PPP1R1C: variants seen among roughly 807,000 people sequenced by gnomAD.
PPP1R1C encodes the protein protein phosphatase 1 regulatory subunit 1C.
PPP1R1C carries 15 observed loss-of-function variants against 17.4 expected under a neutral mutation model. The ratio of observed to expected loss-of-function variants is 0.86; its 90% CI spans 0.58 to 1.33. PPP1R1C has a LOEUF of 1.33. Among genes scored for constraint, PPP1R1C ranks in the 40% most tolerant of loss-of-function variants. The probability of loss-of-function intolerance (pLI) is 0.00; values close to 1 mark genes in which losing one functional copy is unlikely to be tolerated. For missense variants in PPP1R1C, 143 were observed against 130.0 expected, an observed-to-expected ratio of 1.10 and a Z score of -0.48; for synonymous variants, 35 against 43.1, an observed-to-expected ratio of 0.81 and a Z score of 0.73.
chr2:182,126,084 C>T (rs371449717), intron 5 of PPP1R1C, among the ~76,000 whole-genome samples: 3 of 151,924 alleles, frequency 2.0e-5, no homozygotes, highest in African/African-American at 7.2e-5. Flanking sequence ...TCATAGCAAA[C>T]AACTTAAGTG....
rs530568979 is a variant in PPP1R1C at position 182,105,937 on chromosome 2, C to G, written c.242-11270C>G. Reference sequence around the variant, plus strand: ...TGTATTGTCTCACAGTTTTGGAGACCAGAACCCTGAGACAACGGTGTCCTC... The same window carrying G: ...TGTATTGTCTCACAGTTTTGGAGACGAGAACCCTGAGACAACGGTGTCCTC... On this transcript the variant is annotated intron_variant, in intron 4 of 4. Coordinates refer to ENST00000682840, the MANE Select transcript of PPP1R1C (RefSeq NM_001080545.3). Among the ~76,000 whole-genome samples the G allele has an allele frequency of 6.6e-5, 10 of 152,272 alleles. No individual in the cohort carries two copies. In the East Asian group the frequency reaches 1.9e-3, roughly 29 times the overall value.
At chr2:182,075,569 A>G (rs1354706651) in intron 4 of PPP1R1C, among the ~76,000 whole-genome samples, 2 of 152,240 alleles carry the variant, frequency 1.3e-5, no homozygotes, top group Non-Finnish European at 2.9e-5. Flanking sequence ...GCAGAGGCAG[A>G]AACACATAAA....
intron 4 of PPP1R1C, among the ~76,000 whole-genome samples, chr2:182,068,255 A>C (rs1018238686): frequency 6.6e-6 from 1 of 152,176 alleles, no homozygotes; most frequent in African/African-American, 2.4e-5. Context: ...AATGAAACAA[A>C]ATGTGTAAAG....
chr2:182,033,978 T>C (rs902061339), intron 2 of PPP1R1C, among the ~76,000 whole-genome samples: 2 of 152,228 alleles, frequency 1.3e-5, no homozygotes, highest in Non-Finnish European at 2.9e-5. Flanking sequence ...TCCTCCTTTG[T>C]CAAGATTCAG....
intron 4 of PPP1R1C, among the ~76,000 whole-genome samples, chr2:182,074,785 A>C (rs994158981): frequency 1.3e-5 from 2 of 152,242 alleles, no homozygotes; most frequent in African/African-American, 4.8e-5. Flanking sequence ...CAGTTGTGGC[A>C]GAACTAGATG....
rs867280171 is a variant in PPP1R1C, at chr2:181,961,188, C to T, written n.111+6554C>T. ...TTGACCTCCTGCTCCCCAAAGGGTA[C>T]CCTGCTTCTGCTGGCTTGATGTCTT... On this transcript the variant is annotated intron_variant and non_coding_transcript_variant, in intron 1 of 5. Transcript: ENST00000464264. The surrounding 1 kb of genome is among the most constrained non-coding windows in gnomAD (Gnocchi z 5.8). 1.2e-5 allele frequency: 10 copies of T among 859,318 alleles called. No individual in the cohort carries two copies. In the South Asian group the frequency reaches 1.2e-4, roughly 10 times the overall value. 53.2% of individuals were successfully genotyped at this position (859,318 alleles called of 1,614,324 possible).
rs1179686719 is a variant in PPP1R1C, at chr2:182,002,927, A to G, written c.142+15028A>G. On this transcript the variant is annotated intron_variant, in intron 2 of 4. Coordinates refer to ENST00000682840, the MANE Select transcript of PPP1R1C (RefSeq NM_001080545.3). ...CATACCACCAAGAGTGATGCCATAA[A>G]CCTCCCCCCCCCCACAACCCTGAAA... 1.5e-4 allele frequency among the ~76,000 whole-genome samples: 14 copies of G among 90,970 alleles called. 1 individual carries two copies. The East Asian group carries it at 4.1e-3, about 26-fold the overall frequency. 59.7% of individuals were successfully genotyped at this position (90,970 alleles called of 152,430 possible). A position where few individuals can be genotyped will look rare whatever the true frequency, so the allele number is the denominator to read the frequency against.
intron 4 of PPP1R1C, among the ~76,000 whole-genome samples, chr2:182,103,410 G>A (rs367845390): frequency 1.4e-4 from 21 of 152,122 alleles, no homozygotes; most frequent in African/African-American, 4.1e-4. Context: ...TTTGTAAATA[G>A]GAAGAATTAA....
At chr2:181,972,612 G>A (rs1207812646) in intron 1 of PPP1R1C, among the ~76,000 whole-genome samples, 1 of 152,164 alleles carries the variant, frequency 6.6e-6, no homozygotes, top group Non-Finnish European at 1.5e-5. Context: ...TGTTTGCTAA[G>A]TAGCAAACAT....
At chr2:182,056,959 A>G (rs1687701125) in intron 2 of PPP1R1C, among the ~76,000 whole-genome samples, 1 of 152,200 alleles carries the variant, frequency 6.6e-6, no homozygotes, top group Non-Finnish European at 1.5e-5. Flanking sequence ...ATTTTTAAAA[A>G]TGGAAGTAAT....
intron 4 of PPP1R1C, among the ~76,000 whole-genome samples, chr2:182,079,597 A>G (rs1388821757): frequency 1.3e-5 from 2 of 152,186 alleles, no homozygotes; most frequent in Non-Finnish European, 1.5e-5. Context: ...TCTAAAATGG[A>G]GGTAATAAAA....
chr2:182,063,684 C>T (rs1687907746), intron 3 of PPP1R1C, 47 bp from the exon 4 acceptor site: 1 of 1,462,448 alleles, frequency 6.8e-7, no homozygotes, highest in Admixed American at 1.7e-5. Flanking sequence ...TGGCATCGTA[C>T]TTTGTATCCA....
Position 181,967,385 on chromosome 2 carries a change from A to G in PPP1R1C, n.112-7834A>G, listed in dbSNP as rs2125132520. ...TTTCTACATCTTTAACAGGCATTGTAAGGTTGGTCATGTGAAGATTTTCCA... is the reference window on the plus strand; with the variant it reads ...TTTCTACATCTTTAACAGGCATTGTGAGGTTGGTCATGTGAAGATTTTCCA... On this transcript the variant is annotated intron_variant and non_coding_transcript_variant, in intron 1 of 5. Transcript: ENST00000464264. This position sits in a 1 kb window ranked among gnomAD's most constrained non-coding sequence, Gnocchi z 5.5. Among the ~76,000 whole-genome samples, 1 of 152,022 alleles carries G rather than the reference A, an allele frequency of 6.6e-6. No homozygotes were observed. Among genetic ancestry groups the G allele is most frequent in the East Asian group, 1.9e-4 (1 of 5,168 alleles).
chr2:181,986,918 A>G (rs1266947000), intron 1 of PPP1R1C, among the ~76,000 whole-genome samples: 1 of 152,230 alleles, frequency 6.6e-6, no homozygotes, highest in Non-Finnish European at 1.5e-5. Flanking sequence ...AACCTAATCC[A>G]TTCATTTCTT....
chr2:181,999,578 A>T (rs756528162), intron 2 of PPP1R1C, among the ~76,000 whole-genome samples: 1 of 152,172 alleles, frequency 6.6e-6, no homozygotes, highest in Non-Finnish European at 1.5e-5. Context: ...ATAAAATATA[A>T]GCAAGCTCCT....
chr2:181,979,663 T>G (rs1685159390), intron 2 of PPP1R1C, among the ~76,000 whole-genome samples: 1 of 152,136 alleles, frequency 6.6e-6, no homozygotes, highest in Non-Finnish European at 1.5e-5. Flanking sequence ...GTGCATGGCA[T>G]GCAATGTTGT....
At position 182,117,331 on chromosome 2, in the gene PPP1R1C, A is replaced by G; in HGVS notation, c.*36A>G. 1 of 1,427,436 alleles carries G rather than the reference A, an allele frequency of 7.0e-7. No individual in the cohort carries two copies. Among genetic ancestry groups the G allele is most frequent in the Non-Finnish European group, 9.6e-7 (1 of 1,045,050 alleles). 88.4% of individuals were successfully genotyped at this position (1,427,436 alleles called of 1,614,324 possible). ...GCAGCAAGAAGGCTTCTTGGAAATAACTGAACTATTAACTTTTCTGAGTAT... is the reference window on the plus strand; with the variant it reads ...GCAGCAAGAAGGCTTCTTGGAAATAGCTGAACTATTAACTTTTCTGAGTAT... On this transcript the variant is annotated 3_prime_UTR_variant, in exon 5 of 5. Transcript: ENST00000682840.
chr2:181,959,898 A>T (rs1684736225), intron 1 of PPP1R1C, among the ~76,000 whole-genome samples: 1 of 152,160 alleles, frequency 6.6e-6, no homozygotes, highest in Non-Finnish European at 1.5e-5. Flanking sequence ...TTTTTAACTT[A>T]GGTAGTAGCC....
intron 4 of PPP1R1C, among the ~76,000 whole-genome samples, chr2:182,073,432 C>T (rs1361887281): frequency 6.6e-6 from 1 of 152,230 alleles, no homozygotes. Flanking sequence ...AATTCATTCA[C>T]TGACTCACAC....
Sources: allele counts gnomAD v4.1 joint callset (sites outside exome capture counted in the v4.1 genomes callset), GRCh38; gene constraint gnomAD v4.1.1; non-coding constraint Gnocchi (gnomAD v3.1); transcripts MANE v1.5; gene names NCBI Gene and HGNC (gene_info 2026-07-23, HGNC 2026-07-21).